Variants in MYH13 observed in about 807,000 individuals in gnomAD.
MYH13 encodes myosin heavy chain 13.
Under a neutral mutation model 232.1 loss-of-function variants are expected in MYH13, and 177 were observed. The observed-to-expected ratio is 0.76, with a 90% CI of 0.67 to 0.86. MYH13 has a LOEUF of 0.86. Among genes scored for constraint, MYH13 ranks in the 40% least tolerant of loss-of-function variants. MYH13 has a pLI of 0.00. For missense variants in MYH13, 2,246 were observed against 2,405.9 expected (o/e 0.93, Z 1.39); for synonymous variants, 884 against 923.5 (o/e 0.96, Z 0.78).
At chr17:10,301,812 C>G in intron 39 of MYH13, 109 bp from the exon 40 acceptor site, 1 of 1,413,756 alleles carries the variant, frequency 7.1e-7, no homozygotes. Context: ...GCCCTGGATT[C>G]CCTGATGGCA....
rs892867545 is a variant in MYH13 at position 10,306,398 on chromosome 17, T to C, written c.5466+61A>G. 3 of 1,603,670 alleles carry C rather than the reference T, an allele frequency of 1.9e-6. No homozygotes were observed. The highest frequency in any genetic ancestry group is 2.6e-6 in the Non-Finnish European group (3 of 1,173,846). ...GGCCTTTTCCCACCATCTCAGTTTC[T>C]GGACTGTGGTTCTGTCCGAGGCTGT... is the stretch of plus-strand genomic sequence containing the variant. On this transcript the variant is annotated intron_variant, in intron 37 of 40. Coordinates refer to ENST00000252172, the MANE Select transcript of MYH13 (RefSeq NM_003802.3). The surrounding 1 kb of genome is among the most constrained non-coding windows in gnomAD (Gnocchi z 4.3).
At chr17:10,332,974 G>A in intron 19 of MYH13, 100 bp downstream of exon 19, 1 of 940,162 alleles carries the variant, frequency 1.1e-6, no homozygotes, top group Non-Finnish European at 1.7e-6. Context: ...AACTCTGGGG[G>A]ACTTGGGAGC....
At chr17:10,323,811 G>A (rs866744529) in intron 23 of MYH13, among the ~76,000 whole-genome samples, 2 of 141,178 alleles carry the variant, frequency 1.4e-5, no homozygotes, top group South Asian at 2.4e-4. Flanking sequence ...AGAAGAAGAA[G>A]AAGAAGAAGA....
intron 18 of MYH13, among the ~76,000 whole-genome samples, chr17:10,334,980 T>A (rs2071562336): frequency 6.6e-6 from 1 of 152,126 alleles, no homozygotes; most frequent in South Asian, 2.1e-4. Context: ...CCATGAGCTC[T>A]CAGATGATGA....
chr17:10,309,302 G>T lies in MYH13; in HGVS notation c.5101C>A (p.Arg1701=), dbSNP rs200612449. The T allele has an allele frequency of 6.2e-7, 1 of 1,613,806 alleles. No individual in the cohort carries two copies. The highest frequency in any genetic ancestry group is 1.7e-5 in the Admixed American group (1 of 60,010). ...EMKVALEQTE[R]TRRLSEQELL... ...TCCTGCTCTGACAGCCTGCGGGTCC[G>T]CTCCGTCTGTTCCAGGGCCACCTTC... Residue 1701 remains arginine, a synonymous_variant, in exon 35 of 41, where the codon CGG becomes AGG. Coordinates refer to ENST00000252172, the MANE Select transcript of MYH13 (RefSeq NM_003802.3).
intron 12 of MYH13, among the ~76,000 whole-genome samples, chr17:10,348,130 C>G (rs2071681627): frequency 6.6e-6 from 1 of 152,210 alleles, no homozygotes; most frequent in Admixed American, 6.5e-5. Flanking sequence ...GTGCTTTACT[C>G]TCTCCTCGAA....
At chr17:10,344,144 T>C (rs1323006724) in intron 15 of MYH13, 35 bp from the exon 16 acceptor site, 31 of 1,598,406 alleles carry the variant, frequency 1.9e-5, no homozygotes, top group Non-Finnish European at 2.6e-5. Flanking sequence ...CATATAATAG[T>C]GCATACCCAT....
intron 18 of MYH13, among the ~76,000 whole-genome samples, chr17:10,339,107 T>C (rs2071601068): frequency 6.8e-6 from 1 of 147,500 alleles, no homozygotes; most frequent in African/African-American, 2.5e-5. Flanking sequence ...CCCGACAACG[T>C]ATACCTCTGT....
At chr17:10,330,253 G>A (rs773265054) in intron 21 of MYH13, 134 bp downstream of exon 21, 31 of 1,283,172 alleles carry the variant, frequency 2.4e-5, no homozygotes, top group African/African-American at 9.0e-5. Context: ...CAGGATTGCC[G>A]CTCAGTAGAT....
At chr17:10,301,104 T>C in intron 40 of MYH13, 139 bp from the exon 41 acceptor site, 3 of 809,230 alleles carry the variant, frequency 3.7e-6, no homozygotes, top group Non-Finnish European at 6.0e-6. Context: ...CTTTGAACAT[T>C]GTAAAAGCAA....
chr17:10,338,254 T>C (rs1430620973), intron 18 of MYH13, among the ~76,000 whole-genome samples: 1 of 152,152 alleles, frequency 6.6e-6, no homozygotes, highest in Non-Finnish European at 1.5e-5. Context: ...GCCAATGATT[T>C]CGTGTGATTC....
chr17:10,309,498 C>A, intron 34 of MYH13, 24 bp downstream of exon 34: 1 of 1,601,314 alleles, frequency 6.2e-7, no homozygotes. Flanking sequence ...CGTCCAGGTA[C>A]GCAGAGGCGG....
chr17:10,319,227 C>T (rs1388364361), intron 26 of MYH13, 48 bp from the exon 27 acceptor site: 2 of 1,566,748 alleles, frequency 1.3e-6, no homozygotes, highest in South Asian at 1.2e-5. Flanking sequence ...GAGGGGGCAG[C>T]CCCCTTTGAG....
chr17:10,331,697 C>T (rs957118340), intron 20 of MYH13, among the ~76,000 whole-genome samples: 3 of 152,116 alleles, frequency 2.0e-5, no homozygotes, highest in Non-Finnish European at 2.9e-5. Flanking sequence ...CTTCAGCCTC[C>T]CAAAAGCATG....
rs369112051 is a variant in MYH13 at position 10,346,785 on chromosome 17, G to C, written c.1158C>G (p.Ala386=). ...EPDGTEVADK[A]GYLMGLNSAE... Reference sequence around the variant, plus strand: ...CAGAATTCAGTCCCATCAGGTATCCGGCTTTGTCAGCCACTGAAGGAAGAG... The same window carrying C: ...CAGAATTCAGTCCCATCAGGTATCCCGCTTTGTCAGCCACTGAAGGAAGAG... Residue 386 remains alanine, a synonymous_variant, in exon 13 of 41, where the codon GCC becomes GCG. Transcript: ENST00000252172. The C allele has an allele frequency of 1.9e-6, 3 of 1,613,480 alleles. No individual in the cohort carries two copies. Among genetic ancestry groups the C allele is most frequent in the Non-Finnish European group, 2.5e-6 (3 of 1,179,692 alleles).
Position 10,315,129 on chromosome 17 carries a change from A to G in MYH13, c.3984+564T>C, listed in dbSNP as rs116883036. Among the ~76,000 whole-genome samples, 352 of 152,234 alleles carry G rather than the reference A, an allele frequency of 2.3e-3. 5 individuals carry two copies. In the East Asian group the frequency reaches 0.026, roughly 11 times the overall value. ...ATGGGGAGGAGGTGCCCTGGCTGGA[A>G]AGGGGAGTTTCTCAGACCACCCTGC... On this transcript the variant is annotated intron_variant, in intron 29 of 40. Coordinates refer to ENST00000252172, the MANE Select transcript of MYH13 (RefSeq NM_003802.3).
At chr17:10,320,091 G>C in intron 26 of MYH13, 62 bp downstream of exon 26, 1 of 1,233,886 alleles carries the variant, frequency 8.1e-7, no homozygotes, top group Non-Finnish European at 1.2e-6. Context: ...AAGGGGGAAG[G>C]AGTGAGGAGG....
intron 19 of MYH13, 35 bp downstream of exon 19, chr17:10,333,039 G>A: frequency 6.8e-7 from 1 of 1,469,326 alleles, no homozygotes; most frequent in South Asian, 1.2e-5. Context: ...GGTGCCCTCG[G>A]AAGGAGAGAG....
chr17:10,334,424 T>G (rs1183737169), intron 18 of MYH13, among the ~76,000 whole-genome samples: 1 of 152,154 alleles, frequency 6.6e-6, no homozygotes, highest in Non-Finnish European at 1.5e-5. Flanking sequence ...AAAAATTAAT[T>G]AACATTTTAA....
Sources: gnomAD v4.1 joint callset for allele counts (sites outside exome capture counted in the v4.1 genomes callset) on GRCh38, gnomAD v4.1.1 for gene constraint, Gnocchi (gnomAD v3.1) non-coding constraint, MANE v1.5 for transcripts, NCBI Gene and HGNC (gene_info 2026-07-23, HGNC 2026-07-21) for gene names.